The following SYT1 variants were observed in gnomAD, a reference collection of about 807,000 sequenced individuals.
The protein encoded by SYT1 is synaptotagmin-1.
A neutral mutation model predicts 44.8 loss-of-function variants in SYT1; 8 were observed. The observed-to-expected ratio is 0.18, with a 90% CI of 0.10 to 0.32. The LOEUF (loss-of-function observed/expected upper bound fraction) is 0.32. SYT1 is among the 10% of genes least tolerant of loss of function. The probability of loss-of-function intolerance (pLI) is 1.00; values close to 1 mark genes in which losing one functional copy is unlikely to be tolerated. For synonymous variants in SYT1, 154 were observed against 188.8 expected, an observed-to-expected ratio of 0.82 and a Z score of 1.51; for missense variants, 286 against 509.3, an observed-to-expected ratio of 0.56 and a Z score of 4.22.
At position 78,865,120 on chromosome 12, in the gene SYT1, G is replaced by A. The variant is rs949895913; in HGVS notation, c.-217+11G>A. 1 of 152,234 alleles carries A rather than the reference G, an allele frequency of 6.6e-6. No individual in the cohort carries two copies. The allele number at this position is 152,234 out of a possible 1,614,324, so 9.4% of individuals were successfully genotyped here. A position where few individuals can be genotyped will look rare whatever the true frequency, so the allele number is the denominator to read the frequency against. The stretch of plus-strand genomic sequence containing the variant: ...CGGTCCGCCCTCCAGGTAAGGAAGC[G>A]GGACTGGCGGCGCGGCCACCTCGGC... On this transcript the variant is annotated intron_variant, in intron 1 of 10. Transcript: ENST00000261205.
intron 3 of SYT1, among the ~76,000 whole-genome samples, chr12:79,125,451 C>CAAAAAAAAAAAAAA (rs61296536): frequency 7.1e-5 from 7 of 99,028 alleles, no homozygotes; most frequent in Middle Eastern, 5.2e-3. Flanking sequence ...ACTGTCTCTA[C>CAAAAAAAAAAAAAA]AAAAAAAAAA....
intron 3 of SYT1, among the ~76,000 whole-genome samples, chr12:79,215,463 C>T (rs1412505251): frequency 6.6e-6 from 1 of 152,156 alleles, no homozygotes; most frequent in Non-Finnish European, 1.5e-5. Context: ...CGAAGAAGAT[C>T]TGAGCCGATA....
intron 4 of SYT1, among the ~76,000 whole-genome samples, chr12:79,269,243 AT>A (rs1248042330): frequency 2.6e-5 from 4 of 152,146 alleles, no homozygotes; most frequent in African/African-American, 7.2e-5. Context: ...GAAACAGAGA[AT>A]TTTTTTATTG....
rs187951252 is a variant in SYT1, at chr12:79,125,753, A to T, written c.-18+78391A>T. On this transcript the variant is annotated intron_variant, in intron 3 of 10. Transcript: ENST00000261205. The stretch of plus-strand genomic sequence containing the variant: ...CAATATGCAGCTTGCTAATAGGCAT[A>T]TCACATTCCTGAATAAATAACATTC... Among the ~76,000 whole-genome samples the T allele has an allele frequency of 2.7e-3, 411 of 152,350 alleles. 1 individual carries two copies. The highest frequency in any genetic ancestry group is 6.9e-3 in the Admixed American group (105 of 15,308).
chr12:78,869,606 A>G (rs1873714751), intron 1 of SYT1, among the ~76,000 whole-genome samples: 1 of 152,022 alleles, frequency 6.6e-6, no homozygotes, highest in African/African-American at 2.4e-5. Context: ...CATCTACATT[A>G]CATTATTTTA....
rs115775265 is a variant in SYT1 at position 79,437,440 on chromosome 12, G to A, written c.929-6633G>A. Among the ~76,000 whole-genome samples, 189 of 152,254 alleles carry A rather than the reference G, an allele frequency of 1.2e-3. 1 individual carries two copies. Among genetic ancestry groups the A allele is most frequent in the African/African-American group, 4.3e-3 (177 of 41,536 alleles). ...TATGGCTCCAAATTTTTAGGTCTACGAGGTTGGAATCATGGCACAAGGATA... is the reference window on the plus strand; with the variant it reads ...TATGGCTCCAAATTTTTAGGTCTACAAGGTTGGAATCATGGCACAAGGATA... On this transcript the variant is annotated intron_variant, in intron 9 of 10. Transcript: ENST00000261205.
intron 3 of SYT1, among the ~76,000 whole-genome samples, chr12:79,110,283 T>C (rs1427351233): frequency 6.6e-6 from 1 of 152,130 alleles, no homozygotes; most frequent in Non-Finnish European, 1.5e-5. Context: ...ACCTCCAATA[T>C]TTTCTGTTAG....
chr12:78,996,929 G>A (rs1363671190), intron 2 of SYT1, among the ~76,000 whole-genome samples: 2 of 152,180 alleles, frequency 1.3e-5, no homozygotes, highest in African/African-American at 4.8e-5. Context: ...GAAACCATGT[G>A]AGCTAATCTC....
rs955669667 is a variant in SYT1, at chr12:78,932,585, T to C, written c.-216-45214T>C. Among the ~76,000 whole-genome samples, 7 of 152,230 alleles carry C rather than the reference T, an allele frequency of 4.6e-5. No homozygotes were observed. The East Asian group carries it at 1.3e-3, about 29-fold the overall frequency. On this transcript the variant is annotated intron_variant, in intron 1 of 10. Coordinates refer to ENST00000261205, the MANE Select transcript of SYT1 (RefSeq NM_005639.3). ...TCCACCTTAGGTTTTCTATCTGAAATGTTTAAAATTTGTGTAAATATTAAC... is the reference window on the plus strand; with the variant it reads ...TCCACCTTAGGTTTTCTATCTGAAACGTTTAAAATTTGTGTAAATATTAAC...
intron 3 of SYT1, among the ~76,000 whole-genome samples, chr12:79,049,882 G>A (rs1874343975): frequency 6.6e-6 from 1 of 151,922 alleles, no homozygotes; most frequent in Non-Finnish European, 1.5e-5. Context: ...GACGCTTAGA[G>A]CACATTGCAT....
At chr12:79,077,537 G>T (rs960678962) in intron 3 of SYT1, among the ~76,000 whole-genome samples, 4 of 152,114 alleles carry the variant, frequency 2.6e-5, no homozygotes, top group African/African-American at 4.8e-5. Flanking sequence ...AAGTTATCAT[G>T]TTCTTGGGCA....
intron 9 of SYT1, among the ~76,000 whole-genome samples, chr12:79,396,172 C>T (rs1243262718): frequency 6.6e-6 from 1 of 151,972 alleles, no homozygotes; most frequent in East Asian, 1.9e-4. Context: ...TAATGGAGTT[C>T]CAGGTGAGAA....
At chr12:79,226,336 A>G (rs2138597981) in intron 4 of SYT1, among the ~76,000 whole-genome samples, 1 of 152,264 alleles carries the variant, frequency 6.6e-6, no homozygotes, top group Non-Finnish European at 1.5e-5. Context: ...ATTCATTAGT[A>G]GGAAAGCAAT....
chr12:79,316,466 C>A (rs193067697), intron 8 of SYT1, among the ~76,000 whole-genome samples: 49 of 152,290 alleles, frequency 3.2e-4, no homozygotes, highest in Non-Finnish European at 4.9e-4. Flanking sequence ...TTTCTGTGGA[C>A]ATATGCTTTC....
chr12:79,398,367 T>C (rs553970973), intron 9 of SYT1, among the ~76,000 whole-genome samples: 1 of 152,330 alleles, frequency 6.6e-6, no homozygotes, highest in South Asian at 2.1e-4. Flanking sequence ...TTCTGAATTA[T>C]TATGTTTAAT....
chr12:79,451,297 A>T lies in SYT1; in HGVS notation c.*2173A>T, dbSNP rs187461094. On this transcript the variant is annotated 3_prime_UTR_variant, in exon 11 of 11. Coordinates refer to ENST00000261205, the MANE Select transcript of SYT1 (RefSeq NM_005639.3). ...AAAACATAGGTAATAGAAAATATACACAAGTCAGAATGTGAAATTAAATAA... is the reference window on the plus strand; with the variant it reads ...AAAACATAGGTAATAGAAAATATACTCAAGTCAGAATGTGAAATTAAATAA... The T allele has an allele frequency of 6.6e-6, 1 of 152,372 alleles. No homozygotes were observed. The highest frequency in any genetic ancestry group is 2.4e-5 in the African/African-American group (1 of 41,596). 9.4% of individuals were successfully genotyped at this position (152,372 alleles called of 1,614,324 possible).
chr12:79,065,745 A>G (rs1407074569), intron 3 of SYT1, among the ~76,000 whole-genome samples: 1 of 152,204 alleles, frequency 6.6e-6, no homozygotes, highest in African/African-American at 2.4e-5. Context: ...TCTATAGGAA[A>G]GTCAAAATGA....
intron 2 of SYT1, among the ~76,000 whole-genome samples, chr12:79,012,228 AG>A (rs1565761709): frequency 1.3e-5 from 2 of 151,974 alleles, no homozygotes. Flanking sequence ...TAGCGGTAAG[AG>A]GTCCAGACTC....
At chr12:79,132,446 C>T (rs1868889936) in intron 3 of SYT1, among the ~76,000 whole-genome samples, 1 of 136,274 alleles carries the variant, frequency 7.3e-6, no homozygotes, top group Non-Finnish European at 1.6e-5. Context: ...AAGATTCCGT[C>T]TCAAAAAAAA....
Sources: gnomAD v4.1 joint callset for allele counts (sites outside exome capture counted in the v4.1 genomes callset) on GRCh38, gnomAD v4.1.1 for gene constraint, MANE v1.5 for transcripts, NCBI Gene and HGNC (gene_info 2026-07-23, HGNC 2026-07-21) for gene names.